Variants in CLASP1 observed in about 807,000 individuals in gnomAD.
CLASP1 encodes CLIP-associating protein 1.
CLASP1 carries 38 observed loss-of-function variants against 192.3 expected under a neutral mutation model. That is an observed-to-expected ratio of 0.20 (90% CI 0.15 to 0.26). The LOEUF (loss-of-function observed/expected upper bound fraction) is 0.26, where lower values mean the gene tolerates loss of function less well. Ranked by LOEUF, CLASP1 falls within the 10% of genes least tolerant of loss-of-function variation. The probability of loss-of-function intolerance (pLI) is 1.00; values close to 1 mark genes in which losing one functional copy is unlikely to be tolerated. For synonymous variants in CLASP1, 691 were observed against 712.8 expected (o/e 0.97, Z 0.49); for missense variants, 1,433 against 1,932.5 (o/e 0.74, Z 4.85).
intron 14 of CLASP1, among the ~76,000 whole-genome samples, chr2:121,456,572 G>A (rs538922626): frequency 1.3e-5 from 2 of 151,212 alleles, no homozygotes; most frequent in South Asian, 2.1e-4. Context: ...GGAAGGGAAG[G>A]AAACAGAAGG....
intron 8 of CLASP1, among the ~76,000 whole-genome samples, chr2:121,472,187 T>C (rs2090870170): frequency 6.6e-6 from 1 of 152,220 alleles, no homozygotes; most frequent in African/African-American, 2.4e-5. Flanking sequence ...AGTTCAGTCT[T>C]CTAAAATATG....
chr2:121,404,684 G>GT (rs2076656508), intron 25 of CLASP1, among the ~76,000 whole-genome samples: 2 of 152,038 alleles, frequency 1.3e-5, no homozygotes, highest in Non-Finnish European at 2.9e-5. Flanking sequence ...ACATAACAAT[G>GT]TTTTTTCACA....
chr2:121,481,558 A>C (rs1228985302), intron 8 of CLASP1, among the ~76,000 whole-genome samples: 1 of 152,246 alleles, frequency 6.6e-6, no homozygotes, highest in African/African-American at 2.4e-5. Context: ...ATATGCTTTC[A>C]TCAAGTGGAA....
At position 121,530,963 on chromosome 2, in the gene CLASP1, C is replaced by T. The variant is rs916717603; in HGVS notation, c.196-638G>A. On this transcript the variant is annotated intron_variant, in intron 2 of 39. Transcript: ENST00000263710. Reference sequence around the variant, plus strand: ...TGCTAACGCCTGAACAACACACCCGCATCAACTAGAGCTTTTGCTTTATTT... The same window carrying T: ...TGCTAACGCCTGAACAACACACCCGTATCAACTAGAGCTTTTGCTTTATTT... The T allele has an allele frequency of 1.2e-4, 84 of 700,310 alleles. No individual in the cohort carries two copies. The highest frequency in any genetic ancestry group is 1.8e-4 in the Non-Finnish European group (69 of 384,830). 43.4% of individuals were successfully genotyped at this position (700,310 alleles called of 1,614,324 possible). A position where few individuals can be genotyped will look rare whatever the true frequency, so the allele number is the denominator to read the frequency against.
At chr2:121,576,273 G>T (rs1268554077) in intron 2 of CLASP1, among the ~76,000 whole-genome samples, 2 of 152,134 alleles carry the variant, frequency 1.3e-5, no homozygotes, top group Non-Finnish European at 2.9e-5. Context: ...TTAAGCCATG[G>T]TAAATGTTAC....
intron 2 of CLASP1, among the ~76,000 whole-genome samples, chr2:121,581,809 C>T (rs565565948): frequency 4.6e-5 from 7 of 152,170 alleles, no homozygotes; most frequent in Admixed American, 2.0e-4. Context: ...TGCTTGAGCC[C>T]GGAAGGCAGA....
At chr2:121,562,346 T>G (rs1038951998) in intron 2 of CLASP1, among the ~76,000 whole-genome samples, 6 of 152,214 alleles carry the variant, frequency 3.9e-5, no homozygotes, top group Non-Finnish European at 5.9e-5. Flanking sequence ...GGGAACTGAC[T>G]TATAGAAAAT....
chr2:121,644,276 T>A (rs2106358041), intron 1 of CLASP1, among the ~76,000 whole-genome samples: 1 of 151,728 alleles, frequency 6.6e-6, no homozygotes, highest in South Asian at 2.1e-4. Flanking sequence ...TTTCCTAACC[T>A]AAGAAAACAG....
intron 8 of CLASP1, among the ~76,000 whole-genome samples, chr2:121,499,376 AT>A (rs774973861): frequency 1.3e-5 from 2 of 152,200 alleles, no homozygotes; most frequent in Non-Finnish European, 2.9e-5. Flanking sequence ...AGGCAAATCC[AT>A]AAAGACAGAA....
At chr2:121,565,017 G>A (rs573733027) in intron 2 of CLASP1, among the ~76,000 whole-genome samples, 20 of 152,282 alleles carry the variant, frequency 1.3e-4, no homozygotes, top group Non-Finnish European at 2.6e-4. Context: ...CGAGGAGGAG[G>A]CCTATCAACA....
intron 2 of CLASP1, among the ~76,000 whole-genome samples, chr2:121,555,988 CTTTTTT>C (rs34423741): frequency 2.8e-4 from 12 of 42,392 alleles, no homozygotes; most frequent in South Asian, 1.2e-3. Context: ...CTACCCACCG[CTTTTTT>C]TTTTTTTTTT....
At chr2:121,383,993 T>TAG (rs2072439856) in intron 32 of CLASP1, among the ~76,000 whole-genome samples, 1 of 117,742 alleles carries the variant, frequency 8.5e-6, no homozygotes, top group Non-Finnish European at 1.7e-5. Flanking sequence ...ACTGGTGAGA[T>TAG]ATATATATAT....
At chr2:121,553,189 TGAGGGTG>T (rs2058200709) in intron 2 of CLASP1, among the ~76,000 whole-genome samples, 1 of 152,004 alleles carries the variant, frequency 6.6e-6, no homozygotes, top group South Asian at 2.1e-4. Context: ...GAGGCCTACT[TGAGGGTG>T]GAGGGTGGGA....
intron 6 of CLASP1, among the ~76,000 whole-genome samples, chr2:121,517,488 T>C (rs2094331524): frequency 6.6e-6 from 1 of 152,212 alleles, no homozygotes; most frequent in African/African-American, 2.4e-5. Flanking sequence ...TGCTGTGGAC[T>C]GAACTGTGTG....
chr2:121,518,027 C>T (rs986648638), intron 6 of CLASP1, among the ~76,000 whole-genome samples: 3 of 150,080 alleles, frequency 2.0e-5, no homozygotes, highest in South Asian at 2.1e-4. Context: ...GTCAGGAGTT[C>T]GAGACCAGCC....
At chr2:121,403,697 T>C (rs181201765) in intron 26 of CLASP1, 91 of 456,636 alleles carry the variant, frequency 2.0e-4, no homozygotes, top group African/African-American at 1.6e-3. Context: ...TCTGTAAAGA[T>C]ACCCTGTCTC....
chr2:121,436,408 T>C (rs555902692), intron 19 of CLASP1, among the ~76,000 whole-genome samples: 1 of 151,922 alleles, frequency 6.6e-6, no homozygotes, highest in South Asian at 2.1e-4. Context: ...ATCTGTGCTT[T>C]AGTGTCTTTT....
intron 8 of CLASP1, among the ~76,000 whole-genome samples, chr2:121,492,011 T>C (rs1297742836): frequency 6.6e-6 from 1 of 152,192 alleles, no homozygotes; most frequent in Non-Finnish European, 1.5e-5. Context: ...AGAACGTTTC[T>C]TACTCAAAAG....
In CLASP1 at chr2:121,530,995, A is replaced by C. The variant is rs982261295; in HGVS notation, c.196-670T>G. 3.4e-5 allele frequency: 24 copies of C among 700,162 alleles called. No homozygotes were observed. Among genetic ancestry groups the C allele is most frequent in the Non-Finnish European group, 5.7e-5 (22 of 384,766 alleles). 43.4% of individuals were successfully genotyped at this position (700,162 alleles called of 1,614,324 possible). On this transcript the variant is annotated intron_variant, in intron 2 of 39. Coordinates refer to ENST00000263710, the Ensembl canonical transcript of CLASP1. ...TAGAGCTTTTGCTTTATTTTGGTGC[A>C]ATTTTTGGAAAAATGAAAACCTGTT...
Sources: gnomAD v4.1 joint callset for allele counts (sites outside exome capture counted in the v4.1 genomes callset) on GRCh38, gnomAD v4.1.1 for gene constraint, MANE v1.5 for transcripts, NCBI Gene and HGNC (gene_info 2026-07-23, HGNC 2026-07-21) for gene names.